CCND3: variants seen among roughly 807,000 people sequenced by gnomAD.
The protein encoded by CCND3 is G1/S-specific cyclin-D3.
Under a neutral mutation model 28.7 loss-of-function variants are expected in CCND3, and 9 were observed. The ratio of observed to expected loss-of-function variants is 0.31; its 90% confidence interval spans 0.19 to 0.55. The LOEUF (loss-of-function observed/expected upper bound fraction) is 0.55. Ranked by LOEUF, CCND3 falls within the 20% of genes least tolerant of loss-of-function variation. The pLI, the probability that CCND3 is intolerant of heterozygous loss-of-function variation, is 0.93. For synonymous variants in CCND3, 164 were observed against 163.9 expected (o/e 1.00, Z 0.00); for missense variants, 315 against 385.8 (o/e 0.82, Z 1.54).
At position 41,951,573 on chromosome 6, in the gene CCND3, C is replaced by CA. The variant is rs1489585484; in HGVS notation, c.-45-10989dup. 8.1e-4 allele frequency among the ~76,000 whole-genome samples: 58 copies of CA among 71,250 alleles called. 1 individual carries two copies. The highest frequency in any genetic ancestry group is 1.9e-3 in the East Asian group (4 of 2,136). 46.7% of individuals were successfully genotyped at this position (71,250 alleles called of 152,430 possible). A position where few individuals can be genotyped will look rare whatever the true frequency, so the allele number is the denominator to read the frequency against. On this transcript the variant is annotated intron_variant, in intron 1 of 4. Coordinates refer to the CCND3 transcript ENST00000372988. ...ACACACACACACACACACACACACA[C>CA]ACAAAAAAAAAGATTAAGTGGGAGT...
At chr6:42,044,264 C>T (rs114878696) in intron 1 of CCND3, among the ~76,000 whole-genome samples, 34 of 152,338 alleles carry the variant, frequency 2.2e-4, no homozygotes, top group African/African-American at 7.5e-4. Context: ...CTCTGGGCCC[C>T]GGTGTGTAAA....
chr6:41,964,381 A>AGT lies in CCND3; in HGVS notation c.-45-23798_-45-23797dup, dbSNP rs574333067. On this transcript the variant is annotated intron_variant, in intron 1 of 4. Coordinates refer to the CCND3 transcript ENST00000372988. ...GTGTGTGTATGTGTGAATGTGTGTGAGTGTGTGTGTGCATGTGTGAATGTG... is the reference window on the plus strand; with the variant it reads ...GTGTGTGTATGTGTGAATGTGTGTGAGTGTGTGTGTGTGCATGTGTGAATGTG... Among the ~76,000 whole-genome samples, 185 of 115,038 alleles carry AGT rather than the reference A, an allele frequency of 1.6e-3. 4 individuals carry two copies. Among genetic ancestry groups the AGT allele is most frequent in the Middle Eastern group, 4.5e-3 (1 of 224 alleles). The allele number at this position is 115,038 out of a possible 152,430, so 75.5% of individuals were successfully genotyped here.
intron 1 of CCND3, among the ~76,000 whole-genome samples, chr6:41,963,235 C>T (rs535953768): frequency 5.3e-4 from 80 of 152,320 alleles, no homozygotes; most frequent in African/African-American, 1.9e-3. Flanking sequence ...TCTTGAAATG[C>T]TCCATGTCCT....
intron 1 of CCND3, among the ~76,000 whole-genome samples, chr6:42,034,153 T>TC (rs901182416): frequency 1.3e-5 from 2 of 151,320 alleles, no homozygotes; most frequent in African/African-American, 4.8e-5. Flanking sequence ...CTGTCTTTTT[T>TC]TTTTTTTTTT....
At chr6:41,996,234 C>A (rs1449673102) in intron 1 of CCND3, among the ~76,000 whole-genome samples, 2 of 151,272 alleles carry the variant, frequency 1.3e-5, no homozygotes, top group Non-Finnish European at 2.9e-5. Flanking sequence ...ACTGCAACCT[C>A]CGCCTCCCGG....
intron 1 of CCND3, among the ~76,000 whole-genome samples, chr6:42,017,573 T>C (rs1249589983): frequency 1.3e-5 from 2 of 152,300 alleles, no homozygotes; most frequent in East Asian, 3.9e-4. Flanking sequence ...GATCCACTAC[T>C]GCCATGTATT....
intron 1 of CCND3, among the ~76,000 whole-genome samples, chr6:42,011,676 A>G (rs1763349310): frequency 6.6e-6 from 1 of 152,178 alleles, no homozygotes; most frequent in Non-Finnish European, 1.5e-5. Context: ...CCACCACCCC[A>G]GAATTGAAGA....
chr6:42,002,022 G>A (rs1763025341), intron 1 of CCND3, among the ~76,000 whole-genome samples: 1 of 151,960 alleles, frequency 6.6e-6, no homozygotes, highest in Non-Finnish European at 1.5e-5. Flanking sequence ...GGCTGAGGCA[G>A]GGGAATCACT....
intron 1 of CCND3, among the ~76,000 whole-genome samples, chr6:42,000,582 T>C (rs1561980931): frequency 6.9e-6 from 1 of 145,766 alleles, no homozygotes; most frequent in African/African-American, 2.5e-5. Flanking sequence ...TTTTTTTTTT[T>C]CTGAGACGGA....
intron 1 of CCND3, among the ~76,000 whole-genome samples, chr6:42,026,168 C>T (rs1045834123): frequency 6.6e-6 from 1 of 152,174 alleles, no homozygotes; most frequent in African/African-American, 2.4e-5. Context: ...ACCTTGACCT[C>T]CCTGCCTCGA....
At position 42,048,884 on chromosome 6, in the gene CCND3, G is replaced by C. The variant is rs1764631455; in HGVS notation, c.-429C>G. 3.3e-6 allele frequency: 1 copy of C among 299,184 alleles called. No individual in the cohort carries two copies. Among genetic ancestry groups the C allele is most frequent in the South Asian group, 2.6e-5 (1 of 38,216 alleles). 18.5% of individuals were successfully genotyped at this position (299,184 alleles called of 1,614,324 possible). A position where few individuals can be genotyped will look rare whatever the true frequency, so the allele number is the denominator to read the frequency against. On this transcript the variant is annotated 5_prime_UTR_variant, in exon 1 of 5. Coordinates refer to the CCND3 transcript ENST00000372988. This position sits in a 1 kb window ranked among gnomAD's most constrained non-coding sequence, Gnocchi z 4.7. Reference sequence around the variant, plus strand: ...CCCCCGCCCGCAGCCCCCGCCCCACGCGGCATAGGTGCGGGGGCGGGGCGC... The same window carrying C: ...CCCCCGCCCGCAGCCCCCGCCCCACCCGGCATAGGTGCGGGGGCGGGGCGC...
At chr6:42,003,951 A>G (rs1763101418) in intron 1 of CCND3, among the ~76,000 whole-genome samples, 2 of 151,490 alleles carry the variant, frequency 1.3e-5, no homozygotes, top group East Asian at 1.9e-4. Flanking sequence ...AAAAAAAAAA[A>G]AAAAAAAGTT....
chr6:42,044,804 T>TTTATTTA (rs1299079673), intron 1 of CCND3, among the ~76,000 whole-genome samples: 2 of 151,288 alleles, frequency 1.3e-5, no homozygotes, highest in East Asian at 1.9e-4. Context: ...TATTTATTTA[T>TTTATTTA]TTGAGACGGA....
At chr6:42,003,156 G>T (rs1304652737) in intron 1 of CCND3, among the ~76,000 whole-genome samples, 1 of 79,828 alleles carries the variant, frequency 1.3e-5, no homozygotes, top group East Asian at 3.3e-4. Context: ...GAGCGAAACA[G>T]CGTGTCAAAA....
chr6:42,046,628 G>A (rs952850753), intron 1 of CCND3, among the ~76,000 whole-genome samples: 12 of 151,938 alleles, frequency 7.9e-5, no homozygotes, highest in African/African-American at 2.9e-4. Context: ...ACATTCATAC[G>A]TTTGTGTGCA....
upstream of CCND3, among the ~76,000 whole-genome samples, chr6:41,945,462 C>T (rs1043996312): frequency 3.3e-5 from 5 of 152,074 alleles, no homozygotes; most frequent in African/African-American, 1.2e-4. Context: ...TGCAGTGAGC[C>T]GAGATCGTGC....
chr6:42,007,234 T>C lies in CCND3; in HGVS notation c.-46+41267A>G, dbSNP rs939870293. On this transcript the variant is annotated intron_variant, in intron 1 of 4. Coordinates refer to the CCND3 transcript ENST00000372988. ...ACACTTATTGGTTGTTTCATTGTTT[T>C]ACAACAAAAATGTAAAAAGGTCTGT... Among the ~76,000 whole-genome samples the C allele has an allele frequency of 7.9e-5, 12 of 152,352 alleles. No individual in the cohort carries two copies. The East Asian group carries it at 2.3e-3, about 29-fold the overall frequency.
Position 41,936,510 on chromosome 6 carries a change from G to C in CCND3, c.711+49C>G. 6.2e-7 allele frequency: 1 copy of C among 1,606,162 alleles called. No individual in the cohort carries two copies. The highest frequency in any genetic ancestry group is 1.1e-5 in the South Asian group (1 of 90,414). ...CCCTCTACTGGAGGCTCAGGGCATAGCACTACTTTATGAATGGAGAGGCTG... is the reference window on the plus strand; with the variant it reads ...CCCTCTACTGGAGGCTCAGGGCATACCACTACTTTATGAATGGAGAGGCTG... On this transcript the variant is annotated intron_variant, in intron 4 of 4. Transcript: ENST00000372991. This position sits in a 1 kb window ranked among gnomAD's most constrained non-coding sequence, Gnocchi z 4.4.
intron 1 of CCND3, among the ~76,000 whole-genome samples, chr6:42,002,173 T>C (rs1237159420): frequency 6.7e-6 from 1 of 149,242 alleles, no homozygotes; most frequent in African/African-American, 2.5e-5. Context: ...TGGCCAGGCA[T>C]GGTGGCTCAC....
Sources: allele counts gnomAD v4.1 joint callset (sites outside exome capture counted in the v4.1 genomes callset), GRCh38; gene constraint gnomAD v4.1.1; non-coding constraint Gnocchi (gnomAD v3.1); transcripts MANE v1.5; gene names NCBI Gene and HGNC (gene_info 2026-07-23, HGNC 2026-07-21).